The following CNTNAP2 variants were observed in gnomAD, a reference collection of about 807,000 sequenced individuals.
The protein encoded by CNTNAP2 is contactin associated protein 2.
In CNTNAP2, 98 loss-of-function variants were observed where a neutral mutation model predicts 155.2. The ratio of observed to expected loss-of-function variants is 0.63; its 90% CI spans 0.54 to 0.75. The LOEUF (loss-of-function observed/expected upper bound fraction) is 0.75. Ranked by LOEUF, CNTNAP2 falls within the 30% of genes least tolerant of loss-of-function variation. The pLI, the probability that CNTNAP2 is intolerant of heterozygous loss-of-function variation, is 0.00. For missense variants in CNTNAP2, 1,727 were observed against 1,688.1 expected, an observed-to-expected ratio of 1.02 and a Z score of -0.40; for synonymous variants, 651 against 631.2, an observed-to-expected ratio of 1.03 and a Z score of -0.47.
chr7:146,939,256 A>G (rs898608678), intron 3 of CNTNAP2, among the ~76,000 whole-genome samples: 4 of 152,288 alleles, frequency 2.6e-5, no homozygotes, highest in African/African-American at 9.6e-5. Flanking sequence ...AGAAACTCAC[A>G]ATAGGAGTTC....
intron 1 of CNTNAP2, among the ~76,000 whole-genome samples, chr7:146,450,466 A>C (rs886343047): frequency 2.0e-5 from 3 of 152,248 alleles, no homozygotes; most frequent in South Asian, 2.1e-4. Context: ...TTCCAAGAAA[A>C]CTTGATTAAC....
chr7:147,197,744 G>C (rs151182611), intron 8 of CNTNAP2, among the ~76,000 whole-genome samples: 1 of 152,166 alleles, frequency 6.6e-6, no homozygotes, highest in Non-Finnish European at 1.5e-5. Flanking sequence ...TATAAACAAT[G>C]TCTAAGGATA....
chr7:148,296,719 G>A lies in CNTNAP2; in HGVS notation c.3475+29593G>A, dbSNP rs915765941. Among the ~76,000 whole-genome samples, 4 of 152,196 alleles carry A rather than the reference G, an allele frequency of 2.6e-5. No homozygotes were observed. In the East Asian group the frequency reaches 7.7e-4, roughly 29 times the overall value. Reference sequence around the variant, plus strand: ...TAGATCCTCCCACACGATGGTGCCCGTGCAGCCTACTTTCGTCAGGACTTG... The same window carrying A: ...TAGATCCTCCCACACGATGGTGCCCATGCAGCCTACTTTCGTCAGGACTTG... On this transcript the variant is annotated intron_variant, in intron 21 of 23. Transcript: ENST00000361727.
At chr7:147,278,092 A>G (rs1316808798) in intron 8 of CNTNAP2, among the ~76,000 whole-genome samples, 2 of 148,744 alleles carry the variant, frequency 1.3e-5, no homozygotes, top group East Asian at 4.0e-4. Flanking sequence ...ATTCATTTAT[A>G]TATTCTAGGA....
At chr7:146,910,843 G>T (rs1048894304) in intron 3 of CNTNAP2, among the ~76,000 whole-genome samples, 2 of 149,912 alleles carry the variant, frequency 1.3e-5, no homozygotes, top group Admixed American at 1.3e-4. Context: ...CACAGCAAAA[G>T]AAACTACCAT....
intron 1 of CNTNAP2, among the ~76,000 whole-genome samples, chr7:146,195,405 C>T (rs67123143): frequency 0.044 from 6,711 of 152,232 alleles, 186 homozygotes; most frequent in Middle Eastern, 0.1. Flanking sequence ...AGGGCATAAA[C>T]TAAACAGTGA....
In CNTNAP2 at chr7:146,980,281, C is replaced by T. The variant is rs117818189; in HGVS notation, c.403-63626C>T. On this transcript the variant is annotated intron_variant, in intron 3 of 23. Transcript: ENST00000361727. The stretch of plus-strand genomic sequence containing the variant: ...GTCAGAAGGGGGCAAGTGATCAACA[C>T]TATTAATGCTATGAAAAAGCTAATA... 9.9e-3 allele frequency among the ~76,000 whole-genome samples: 1,501 copies of T among 152,258 alleles called. 11 individuals carry two copies. The highest frequency in any genetic ancestry group is 0.016 in the Non-Finnish European group (1,061 of 67,996).
At chr7:146,757,764 T>C (rs1317883469) in intron 1 of CNTNAP2, among the ~76,000 whole-genome samples, 1 of 152,178 alleles carries the variant, frequency 6.6e-6, no homozygotes, top group Non-Finnish European at 1.5e-5. Flanking sequence ...TTCATTATTA[T>C]GGTCATGAAT....
rs114706745 is a variant in CNTNAP2, at chr7:146,621,115, A to G, written c.98-153156A>G. Among the ~76,000 whole-genome samples, 1,512 of 152,306 alleles carry G rather than the reference A, an allele frequency of 9.9e-3. 17 individuals are homozygous for G. The highest frequency in any genetic ancestry group is 0.035 in the African/African-American group (1,444 of 41,570). ...GAGCTAGAGCGAAATTTAAGAAGGC[A>G]TAGTGATAAGGAACCGTATCCCTAC... On this transcript the variant is annotated intron_variant, in intron 1 of 23. Coordinates refer to ENST00000361727, the MANE Select transcript of CNTNAP2 (RefSeq NM_014141.6).
chr7:147,952,862 G>T (rs964308615), intron 14 of CNTNAP2, among the ~76,000 whole-genome samples: 1 of 151,950 alleles, frequency 6.6e-6, no homozygotes, highest in African/African-American at 2.4e-5. Context: ...TCCCCAAATT[G>T]AAATTACTAT....
chr7:147,578,534 AG>A (rs1800440930), intron 12 of CNTNAP2, among the ~76,000 whole-genome samples: 2 of 152,148 alleles, frequency 1.3e-5, no homozygotes, highest in East Asian at 3.8e-4. Context: ...GTTCAAAAGC[AG>A]GTCTACATGC....
At chr7:147,034,913 AT>A (rs2129251641) in intron 3 of CNTNAP2, among the ~76,000 whole-genome samples, 1 of 152,254 alleles carries the variant, frequency 6.6e-6, no homozygotes, top group African/African-American at 2.4e-5. Context: ...GTCTTAGAAA[AT>A]GCAACATTTG....
At chr7:148,191,977 T>C (rs1255504846) in intron 18 of CNTNAP2, among the ~76,000 whole-genome samples, 1 of 152,196 alleles carries the variant, frequency 6.6e-6, no homozygotes, top group Admixed American at 6.5e-5. Flanking sequence ...TTTTACAACA[T>C]ATATGATCAA....
intron 4 of CNTNAP2, among the ~76,000 whole-genome samples, chr7:147,080,772 A>G (rs1800108944): frequency 6.6e-6 from 1 of 150,776 alleles, no homozygotes; most frequent in Admixed American, 6.6e-5. Flanking sequence ...TTTCTGCCTC[A>G]TGTCAATTAG....
At chr7:147,465,747 C>CCAGT (rs534858151) in intron 10 of CNTNAP2, among the ~76,000 whole-genome samples, 338 of 152,310 alleles carry the variant, frequency 2.2e-3, no homozygotes, top group African/African-American at 7.6e-3. Context: ...TTCTAGGCAT[C>CCAGT]CAGTGCCCCA....
rs142245536 is a variant in CNTNAP2, at chr7:147,318,039, G to C, written c.1498+17749G>C. Among the ~76,000 whole-genome samples, 5 of 151,736 alleles carry C rather than the reference G, an allele frequency of 3.3e-5. No homozygotes were observed. The South Asian group carries it at 1.0e-3, about 31-fold the overall frequency. On this transcript the variant is annotated intron_variant, in intron 9 of 23. Transcript: ENST00000361727. Reference sequence around the variant, plus strand: ...TTTTAATGTTCTCCTTTCTTTTTTCGTTAAAATTTTCTACAGTAGCCATTT... The same window carrying C: ...TTTTAATGTTCTCCTTTCTTTTTTCCTTAAAATTTTCTACAGTAGCCATTT...
intron 1 of CNTNAP2, among the ~76,000 whole-genome samples, chr7:146,541,162 T>C (rs1797947708): frequency 6.6e-6 from 1 of 152,002 alleles, no homozygotes; most frequent in Admixed American, 6.6e-5. Context: ...AAGGAATGAA[T>C]ACAGAATTTA....
intron 1 of CNTNAP2, among the ~76,000 whole-genome samples, chr7:146,526,490 A>C (rs1436368046): frequency 6.6e-6 from 1 of 152,130 alleles, no homozygotes; most frequent in Non-Finnish European, 1.5e-5. Flanking sequence ...AGGACGTGCC[A>C]CACACATTTC....
intron 9 of CNTNAP2, among the ~76,000 whole-genome samples, chr7:147,337,933 C>A (rs1795692497): frequency 6.6e-6 from 1 of 152,152 alleles, no homozygotes; most frequent in Non-Finnish European, 1.5e-5. Context: ...GTCAAGAGAA[C>A]TGACCTTGAC....
Sources: allele counts gnomAD v4.1 joint callset (sites outside exome capture counted in the v4.1 genomes callset), GRCh38; gene constraint gnomAD v4.1.1; transcripts MANE v1.5; gene names NCBI Gene and HGNC (gene_info 2026-07-23, HGNC 2026-07-21).